The following SYT17 variants were observed in gnomAD, a reference collection of about 807,000 sequenced individuals.
The protein encoded by SYT17 is synaptotagmin-17.
A neutral mutation model predicts 46.7 loss-of-function variants in SYT17; 22 were observed. The observed-to-expected ratio is 0.47, with a 90% CI of 0.34 to 0.67. The LOEUF is 0.67. Among genes scored for constraint, SYT17 ranks in the 30% least tolerant of loss-of-function variants. The probability of loss-of-function intolerance (pLI) is 0.01; values close to 1 mark genes in which losing one functional copy is unlikely to be tolerated. For synonymous variants in SYT17, 251 were observed against 248.4 expected (o/e 1.01, Z -0.10); for missense variants, 519 against 612.8 (o/e 0.85, Z 1.62).
chr16:19,265,967 G>C (rs1372358104), intron 7 of SYT17, among the ~76,000 whole-genome samples: 1 of 152,178 alleles, frequency 6.6e-6, no homozygotes, highest in African/African-American at 2.4e-5. Flanking sequence ...TTTTATAAAA[G>C]GTCAACAGAC....
chr16:19,187,016 G>C (rs1316010294), intron 5 of SYT17, among the ~76,000 whole-genome samples: 1 of 151,956 alleles, frequency 6.6e-6, no homozygotes, highest in East Asian at 1.9e-4. Flanking sequence ...GGACTCATTT[G>C]CTTTTTTAAA....
chr16:19,172,374 T>A, intron 1 of SYT17: 1 of 1,397,438 alleles, frequency 7.2e-7, no homozygotes, highest in Non-Finnish European at 9.2e-7. Context: ...CATGTCCTTT[T>A]GGGTTGGCTA....
At chr16:19,169,110 G>A (rs532874438) in intron 1 of SYT17, among the ~76,000 whole-genome samples, 3 of 152,148 alleles carry the variant, frequency 2.0e-5, no homozygotes, top group South Asian at 2.1e-4. Flanking sequence ...GACCAGGAGG[G>A]ACAAGGACGT....
chr16:19,266,743 G>C (rs191211041), intron 7 of SYT17, 137 bp from the exon 8 acceptor site: 1 of 651,836 alleles, frequency 1.5e-6, no homozygotes, highest in Non-Finnish European at 2.5e-6. Context: ...AAAAGACAGC[G>C]TGCCCTAAAC....
intron 3 of SYT17, among the ~76,000 whole-genome samples, chr16:19,177,108 C>T (rs1567197735): frequency 6.6e-6 from 1 of 152,162 alleles, no homozygotes; most frequent in Admixed American, 6.5e-5. Flanking sequence ...AGGACAGTTG[C>T]GTTTTGCCTT....
chr16:19,185,829 G>A (rs1181710509), intron 5 of SYT17, among the ~76,000 whole-genome samples: 1 of 152,206 alleles, frequency 6.6e-6, no homozygotes, highest in African/African-American at 2.4e-5. Flanking sequence ...GTCAGGAGAC[G>A]ACGTCTTCTA....
chr16:19,168,710 G>A lies in SYT17; in HGVS notation c.15+49G>A. On this transcript the variant is annotated intron_variant, in intron 1 of 7. Coordinates refer to ENST00000355377, the MANE Select transcript of SYT17 (RefSeq NM_016524.4). The surrounding 1 kb of genome is among the most constrained non-coding windows in gnomAD (Gnocchi z 6.9). ...GTCCGGGGTGCGGGTAGGGGGTGCCGCGCCCCCTCCGGCTGGGAGCGCGCG... is the reference window on the plus strand; with the variant it reads ...GTCCGGGGTGCGGGTAGGGGGTGCCACGCCCCCTCCGGCTGGGAGCGCGCG... 2.1e-6 allele frequency: 3 copies of A among 1,435,950 alleles called. No individual in the cohort carries two copies. Among genetic ancestry groups the A allele is most frequent in the Non-Finnish European group, 2.8e-6 (3 of 1,090,436 alleles). The allele number at this position is 1,435,950 out of a possible 1,614,324, so 89.0% of individuals were successfully genotyped here.
chr16:19,182,338 C>T (rs2142571433), intron 4 of SYT17, among the ~76,000 whole-genome samples: 1 of 152,282 alleles, frequency 6.6e-6, no homozygotes, highest in East Asian at 1.9e-4. Context: ...TCACTTGCAC[C>T]TGGAAGGTGG....
chr16:19,241,241 C>T lies in SYT17; in HGVS notation c.1228+16403C>T, dbSNP rs973907402. ...GGATTACAGGCGTGAGCCACCGCGC[C>T]CGGCCCCCTAGGCTCAGTTCTGACT... is the stretch of plus-strand genomic sequence containing the variant. On this transcript the variant is annotated intron_variant, in intron 7 of 7. Coordinates refer to ENST00000355377, the MANE Select transcript of SYT17 (RefSeq NM_016524.4). Among the ~76,000 whole-genome samples, 109 of 152,208 alleles carry T rather than the reference C, an allele frequency of 7.2e-4. 3 individuals carry two copies. Among genetic ancestry groups the T allele is most frequent in the Non-Finnish European group, 4.7e-4 (32 of 67,994 alleles).
chr16:19,205,967 ATACATGTTC>A (rs1008994787), intron 5 of SYT17, among the ~76,000 whole-genome samples: 1 of 152,204 alleles, frequency 6.6e-6, no homozygotes, highest in Non-Finnish European at 1.5e-5. Flanking sequence ...GTGGTACATA[ATACATGTTC>A]AATAAATATT....
intron 5 of SYT17, among the ~76,000 whole-genome samples, chr16:19,187,036 A>G (rs1274195557): frequency 6.6e-6 from 1 of 151,852 alleles, no homozygotes. Flanking sequence ...AATTATTATT[A>G]TTATTTTTTA....
intron 2 of SYT17, 35 bp from the exon 3 acceptor site, chr16:19,173,395 C>G: frequency 1.5e-6 from 1 of 681,346 alleles, no homozygotes. Context: ...TCCCCTCTCC[C>G]CCATCCCCCC....
intron 7 of SYT17, among the ~76,000 whole-genome samples, chr16:19,228,999 A>G (rs1297609144): frequency 1.3e-5 from 2 of 152,188 alleles, no homozygotes; most frequent in African/African-American, 2.4e-5. Context: ...GCAATTTTCT[A>G]TCAGGTGGTT....
At chr16:19,186,837 C>T (rs553900472) in intron 5 of SYT17, among the ~76,000 whole-genome samples, 3 of 152,202 alleles carry the variant, frequency 2.0e-5, no homozygotes, top group Admixed American at 2.0e-4. Context: ...TTTCTTCATT[C>T]TGTTTCTCTT....
At chr16:19,201,220 T>C (rs750387016) in intron 5 of SYT17, among the ~76,000 whole-genome samples, 1 of 152,092 alleles carries the variant, frequency 6.6e-6, no homozygotes, top group Non-Finnish European at 1.5e-5. Context: ...ATGGAAGGAC[T>C]TGCCTCCCGA....
At chr16:19,266,478 C>T (rs536262812) in intron 7 of SYT17, among the ~76,000 whole-genome samples, 1 of 152,326 alleles carries the variant, frequency 6.6e-6, no homozygotes, top group African/African-American at 2.4e-5. Context: ...CTCAACTGGA[C>T]TACATTGACA....
At chr16:19,194,672 G>A (rs1239883696) in intron 5 of SYT17, among the ~76,000 whole-genome samples, 1 of 152,198 alleles carries the variant, frequency 6.6e-6, no homozygotes, top group African/African-American at 2.4e-5. Context: ...CATGATCACT[G>A]CAGCCTCAAA....
intron 7 of SYT17, among the ~76,000 whole-genome samples, chr16:19,234,096 C>A (rs1966801344): frequency 1.3e-5 from 2 of 152,138 alleles, no homozygotes; most frequent in African/African-American, 4.8e-5. Flanking sequence ...GGGGCCTAGG[C>A]AGGAGGATTG....
intron 5 of SYT17, among the ~76,000 whole-genome samples, chr16:19,185,264 G>A (rs747606395): frequency 2.0e-5 from 3 of 152,152 alleles, no homozygotes; most frequent in Non-Finnish European, 2.9e-5. Flanking sequence ...AACAGGGGAG[G>A]GGGCTTTGGC....
Sources: gnomAD v4.1 joint callset for allele counts (sites outside exome capture counted in the v4.1 genomes callset) on GRCh38, gnomAD v4.1.1 for gene constraint, Gnocchi (gnomAD v3.1) non-coding constraint, MANE v1.5 for transcripts, NCBI Gene and HGNC (gene_info 2026-07-23, HGNC 2026-07-21) for gene names.